Variants in KCNQ5 observed in about 807,000 individuals in gnomAD.
The protein encoded by KCNQ5 is potassium voltage-gated channel subfamily KQT member 5.
A neutral mutation model predicts 98.2 loss-of-function variants in KCNQ5; 30 were observed. That is an observed-to-expected ratio of 0.31 (90% CI 0.23 to 0.41). The LOEUF is 0.41. Among genes scored for constraint, KCNQ5 ranks in the 10% least tolerant of loss-of-function variants. KCNQ5 has a pLI of 1.00. For synonymous variants in KCNQ5, 458 were observed against 449.4 expected (o/e 1.02, Z -0.24); for missense variants, 835 against 1,182.5 (o/e 0.71, Z 4.31).
chr6:73,011,681 G>A (rs1443299762), intron 2 of KCNQ5, among the ~76,000 whole-genome samples: 3 of 152,000 alleles, frequency 2.0e-5, no homozygotes, highest in Admixed American at 2.0e-4. Flanking sequence ...GAGAAAAAAG[G>A]CAACACACAG....
intron 1 of KCNQ5, among the ~76,000 whole-genome samples, chr6:72,798,491 C>T (rs892847415): frequency 6.6e-6 from 1 of 152,130 alleles, no homozygotes; most frequent in Non-Finnish European, 1.5e-5. Flanking sequence ...CATGTGCTCT[C>T]CTCCTCTTCT....
intron 1 of KCNQ5, among the ~76,000 whole-genome samples, chr6:72,760,074 G>C (rs1180865265): frequency 6.6e-6 from 1 of 152,118 alleles, no homozygotes; most frequent in Admixed American, 6.6e-5. Flanking sequence ...AGGATGGCAC[G>C]CTCCTCTGAA....
intron 1 of KCNQ5, among the ~76,000 whole-genome samples, chr6:72,854,975 C>T (rs1195873194): frequency 6.6e-6 from 1 of 151,970 alleles, no homozygotes; most frequent in Non-Finnish European, 1.5e-5. Flanking sequence ...GATAATGATA[C>T]TTTCCCTTCA....
At chr6:72,888,614 T>C (rs9360611) in intron 1 of KCNQ5, among the ~76,000 whole-genome samples, 42,601 of 152,026 alleles carry the variant, frequency 0.28, 6,135 homozygotes, top group Admixed American at 0.31. Flanking sequence ...GTCTCAGAAT[T>C]GGGGGACCAT....
At chr6:72,626,889 T>C (rs931492556) in intron 1 of KCNQ5, among the ~76,000 whole-genome samples, 4 of 152,136 alleles carry the variant, frequency 2.6e-5, no homozygotes, top group Admixed American at 1.3e-4. Flanking sequence ...GTCTGACATG[T>C]GGTATGAGGA....
At chr6:73,045,304 G>A (rs758660709) in intron 3 of KCNQ5, among the ~76,000 whole-genome samples, 2 of 152,110 alleles carry the variant, frequency 1.3e-5, no homozygotes, top group East Asian at 1.9e-4. Flanking sequence ...TTTTTAATTA[G>A]GTACTTTGTT....
At chr6:72,840,565 A>C (rs931340466) in intron 1 of KCNQ5, among the ~76,000 whole-genome samples, 4 of 152,084 alleles carry the variant, frequency 2.6e-5, no homozygotes, top group African/African-American at 9.7e-5. Flanking sequence ...ACTTACTCCA[A>C]GTATTGACTC....
intron 5 of KCNQ5, among the ~76,000 whole-genome samples, 167 bp from the exon 6 acceptor site, chr6:73,105,088 CAA>C (rs1289215954): frequency 3.3e-5 from 5 of 152,142 alleles, no homozygotes; most frequent in Admixed American, 3.3e-4. Context: ...TTTCCTTAAA[CAA>C]AGAGAAGTTC....
chr6:72,841,768 C>T (rs1321696396), intron 1 of KCNQ5, among the ~76,000 whole-genome samples: 1 of 152,082 alleles, frequency 6.6e-6, no homozygotes, highest in Non-Finnish European at 1.5e-5. Context: ...AACAAAGTCC[C>T]AGCATTTTCT....
chr6:72,887,830 G>A (rs1778904070), intron 1 of KCNQ5, among the ~76,000 whole-genome samples: 1 of 152,078 alleles, frequency 6.6e-6, no homozygotes. Flanking sequence ...TAATTAGCTT[G>A]AAAAGACGAA....
At chr6:72,979,507 C>T (rs192227802) in intron 1 of KCNQ5, among the ~76,000 whole-genome samples, 1 of 152,270 alleles carries the variant, frequency 6.6e-6, no homozygotes, top group African/African-American at 2.4e-5. Context: ...CCTTTGCCCA[C>T]TTCTTGATGG....
chr6:72,876,682 A>C (rs191452792), intron 1 of KCNQ5, among the ~76,000 whole-genome samples: 3 of 152,356 alleles, frequency 2.0e-5, no homozygotes, highest in African/African-American at 7.2e-5. Context: ...TTTCATACAA[A>C]AGTATTATAC....
At chr6:73,046,082 T>C (rs936038748) in intron 3 of KCNQ5, among the ~76,000 whole-genome samples, 6 of 152,176 alleles carry the variant, frequency 3.9e-5, no homozygotes, top group Non-Finnish European at 5.9e-5. Context: ...AATATATCTA[T>C]GATTTCATCT....
chr6:72,840,822 G>C (rs1776756611), intron 1 of KCNQ5, among the ~76,000 whole-genome samples: 1 of 152,196 alleles, frequency 6.6e-6, no homozygotes, highest in Admixed American at 6.5e-5. Flanking sequence ...TCTTCTGTGA[G>C]CAGCAGCTCT....
chr6:72,707,596 T>C (rs772714564), intron 1 of KCNQ5, among the ~76,000 whole-genome samples: 1 of 152,188 alleles, frequency 6.6e-6, no homozygotes, highest in Non-Finnish European at 1.5e-5. Context: ...TATTTCATGA[T>C]CCTTGAATCT....
At chr6:73,184,116 G>A (rs1778491164) in intron 11 of KCNQ5, among the ~76,000 whole-genome samples, 1 of 151,964 alleles carries the variant, frequency 6.6e-6, no homozygotes, top group African/African-American at 2.4e-5. Flanking sequence ...CTTTACTTTT[G>A]CTGCTTATCA....
At chr6:73,108,370 TGAATTCCTTGA>T (rs1775088590) in intron 6 of KCNQ5, among the ~76,000 whole-genome samples, 1 of 152,230 alleles carries the variant, frequency 6.6e-6, no homozygotes, top group Non-Finnish European at 1.5e-5. Context: ...TTATAGAGAC[TGAATTCCTTGA>T]GACCTCCAGC....
At chr6:72,953,917 CT>C (rs971322875) in intron 1 of KCNQ5, among the ~76,000 whole-genome samples, 2 of 152,106 alleles carry the variant, frequency 1.3e-5, no homozygotes, top group African/African-American at 4.8e-5. Flanking sequence ...AATCATTAGT[CT>C]TTATCTCATC....
chr6:72,776,371 C>T (rs1353047132), intron 1 of KCNQ5, among the ~76,000 whole-genome samples: 1 of 152,158 alleles, frequency 6.6e-6, no homozygotes, highest in Non-Finnish European at 1.5e-5. Context: ...CTTCTGTTTA[C>T]TCCAACACAT....
Sources: allele counts gnomAD v4.1 joint callset (sites outside exome capture counted in the v4.1 genomes callset), GRCh38; gene constraint gnomAD v4.1.1; transcripts MANE v1.5; gene names NCBI Gene and HGNC (gene_info 2026-07-23, HGNC 2026-07-21).